The following BICRAL variants were observed in gnomAD, a reference collection of about 807,000 sequenced individuals.
BICRAL encodes BICRA like chromatin remodeling complex associated protein, also known as BRD4-interacting chromatin-remodeling complex-associated protein-like.
BICRAL carries 8 observed loss-of-function variants against 91.8 expected under a neutral mutation model. The ratio of observed to expected loss-of-function variants is 0.09; its 90% confidence interval spans 0.05 to 0.16. The LOEUF (loss-of-function observed/expected upper bound fraction) is 0.16, where lower values mean the gene tolerates loss of function less well. Among genes scored for constraint, BICRAL ranks in the 10% least tolerant of loss-of-function variants. BICRAL has a pLI of 1.00. For missense variants in BICRAL, 1,038 were observed against 1,310.9 expected (o/e 0.79, Z 3.21); for synonymous variants, 445 against 491.1 (o/e 0.91, Z 1.24).
chr6:42,861,587 T>C (rs559044677), intron 11 of BICRAL, among the ~76,000 whole-genome samples: 2 of 152,350 alleles, frequency 1.3e-5, no homozygotes, highest in South Asian at 2.1e-4. Flanking sequence ...CAATTTGATA[T>C]CAACTTTGAA....
chr6:42,844,089 A>ACC (rs1254400038), intron 6 of BICRAL, among the ~76,000 whole-genome samples: 1 of 146,350 alleles, frequency 6.8e-6, no homozygotes, highest in African/African-American at 2.5e-5. Context: ...GACGTGAGCC[A>ACC]CCGCGCCTGG....
chr6:42,782,660 G>A (rs1762952771), intron 1 of BICRAL, among the ~76,000 whole-genome samples: 2 of 151,726 alleles, frequency 1.3e-5, no homozygotes, highest in Admixed American at 1.3e-4. Context: ...GGGGAGGGGA[G>A]GGAAGCCTTT....
chr6:42,807,284 T>C (rs1163395276), intron 1 of BICRAL, among the ~76,000 whole-genome samples: 1 of 149,940 alleles, frequency 6.7e-6, no homozygotes, highest in African/African-American at 2.5e-5. Context: ...TCCGGGTTCA[T>C]GCCATTCTCC....
intron 1 of BICRAL, among the ~76,000 whole-genome samples, chr6:42,758,627 A>G (rs1359009430): frequency 3.3e-5 from 5 of 152,066 alleles, no homozygotes; most frequent in African/African-American, 1.2e-4. Context: ...CTGAAATTAT[A>G]CAGAGTAACC....
intron 6 of BICRAL, among the ~76,000 whole-genome samples, chr6:42,840,099 G>T (rs1412345115): frequency 6.6e-6 from 1 of 152,138 alleles, no homozygotes; most frequent in African/African-American, 2.4e-5. Flanking sequence ...TAGAGATGGG[G>T]TCTCGCTATG....
rs189166793 is a variant in BICRAL at position 42,811,266 on chromosome 6, G to A, written c.-6+865G>A. ...GTTTCCTTACCATAGCTCAGGGGAG[G>A]AGGAATCCACAGGAAGGCTGATAAT... On this transcript the variant is annotated intron_variant, in intron 2 of 12. Transcript: ENST00000314073. Among the ~76,000 whole-genome samples, 400 of 152,316 alleles carry A rather than the reference G, an allele frequency of 2.6e-3. 5 individuals carry two copies. The highest frequency in any genetic ancestry group is 1.0e-3 in the Non-Finnish European group (70 of 68,020).
At chr6:42,816,124 C>G (rs1763987902) in intron 2 of BICRAL, among the ~76,000 whole-genome samples, 1 of 150,554 alleles carries the variant, frequency 6.6e-6, no homozygotes, top group African/African-American at 2.5e-5. Context: ...TTTAGGAGAC[C>G]AAGGTGGAGG....
intron 6 of BICRAL, among the ~76,000 whole-genome samples, chr6:42,848,441 T>G (rs906015487): frequency 1.3e-5 from 2 of 152,210 alleles, no homozygotes; most frequent in Non-Finnish European, 2.9e-5. Flanking sequence ...CTCAAGCGAT[T>G]GCAAATTTTC....
intron 6 of BICRAL, among the ~76,000 whole-genome samples, chr6:42,849,734 C>T (rs1310299470): frequency 1.3e-5 from 2 of 151,850 alleles, no homozygotes; most frequent in Non-Finnish European, 2.9e-5. Context: ...CCACTGCGCC[C>T]GGCCTAGAAC....
chr6:42,793,762 CTTT>C (rs70990140), intron 1 of BICRAL, among the ~76,000 whole-genome samples: 3 of 99,244 alleles, frequency 3.0e-5, no homozygotes, highest in African/African-American at 7.9e-5. Flanking sequence ...CTCAAGATGA[CTTT>C]TTTTTTTTTT....
chr6:42,823,818 G>A (rs929284733), intron 5 of BICRAL, among the ~76,000 whole-genome samples: 16 of 151,654 alleles, frequency 1.1e-4, no homozygotes, highest in Admixed American at 6.6e-4. Context: ...CCAGCTACTC[G>A]GGAGCCTGTG....
chr6:42,787,666 G>T (rs1444501518), intron 1 of BICRAL, among the ~76,000 whole-genome samples: 1 of 152,176 alleles, frequency 6.6e-6, no homozygotes, highest in East Asian at 1.9e-4. Context: ...TCTGTCAAAT[G>T]CTGCTGAGAA....
At chr6:42,808,459 T>A (rs1322138235) in intron 1 of BICRAL, among the ~76,000 whole-genome samples, 2 of 152,194 alleles carry the variant, frequency 1.3e-5, no homozygotes, top group Non-Finnish European at 2.9e-5. Flanking sequence ...GGGCCCTATA[T>A]GTATACCTAT....
intron 10 of BICRAL, among the ~76,000 whole-genome samples, chr6:42,857,890 C>A (rs867273948): frequency 6.9e-6 from 1 of 145,026 alleles, no homozygotes; most frequent in Admixed American, 6.9e-5. Context: ...TCACTGCAAC[C>A]TCTGCCTCCC....
chr6:42,862,526 C>A lies in BICRAL; in HGVS notation c.2366C>A (p.Ala789Asp). 6.2e-7 allele frequency: 1 copy of A among 1,607,360 alleles called. No homozygotes were observed. The highest frequency in any genetic ancestry group is 8.5e-7 in the Non-Finnish European group (1 of 1,173,994). The change falls in exon 12 of 13, where the codon GCT becomes GAT. Residue 789 changes from alanine to aspartate, a missense_variant. Around this residue, in one of 5 missense-constraint regions of BICRAL, gnomAD observed 294 missense variants for 292.6 expected, o/e 1.00. Coordinates refer to ENST00000314073, the MANE Select transcript of BICRAL (RefSeq NM_001393499.1). ...CTTTTTCAGCGAATCAATCCCTCTG[C>A]TGAGATGGTGATGATCGATAGGATG... ...LEDAMRINPSAEMVMIDRMFN... is the reference protein window; with the variant it reads ...LEDAMRINPSDEMVMIDRMFN...
At chr6:42,854,184 A>C (rs1223963266) in intron 8 of BICRAL, among the ~76,000 whole-genome samples, 2 of 152,048 alleles carry the variant, frequency 1.3e-5, no homozygotes, top group Non-Finnish European at 2.9e-5. Context: ...CAACTTTGAC[A>C]CTTTTTAAAG....
intron 7 of BICRAL, 88 bp from the exon 8 acceptor site, chr6:42,853,550 C>T: frequency 2.2e-6 from 2 of 895,460 alleles, no homozygotes; most frequent in Non-Finnish European, 3.7e-6. Flanking sequence ...GAATGCTCAA[C>T]AGTCTGTACC....
At chr6:42,836,094 G>A (rs933811950) in intron 6 of BICRAL, among the ~76,000 whole-genome samples, 3 of 152,162 alleles carry the variant, frequency 2.0e-5, no homozygotes, top group African/African-American at 7.2e-5. Context: ...GCTATCCTCT[G>A]CATAGACAAG....
At chr6:42,753,531 A>C (rs531896542) in intron 1 of BICRAL, among the ~76,000 whole-genome samples, 6 of 152,184 alleles carry the variant, frequency 3.9e-5, no homozygotes, top group Non-Finnish European at 7.3e-5. Flanking sequence ...GAAAAGCTGG[A>C]GGAAATGGTA....
Sources: gnomAD v4.1 joint callset for allele counts (sites outside exome capture counted in the v4.1 genomes callset) on GRCh38, gnomAD v4.1.1 for gene constraint, gnomAD v4.1.1 regional missense constraint, MANE v1.5 for transcripts, NCBI Gene and HGNC (gene_info 2026-07-23, HGNC 2026-07-21) for gene names.